CACNA1A: variants seen among roughly 807,000 people sequenced by gnomAD.
CACNA1A encodes the protein voltage-dependent P/Q-type calcium channel subunit alpha-1A.
Under a neutral mutation model 262.4 loss-of-function variants are expected in CACNA1A, and 57 were observed. The ratio of observed to expected loss-of-function variants is 0.22; its 90% CI spans 0.18 to 0.27. The LOEUF (loss-of-function observed/expected upper bound fraction) is 0.27, where lower values mean the gene tolerates loss of function less well. CACNA1A is among the 10% of genes least tolerant of loss of function. The pLI is 1.00. For synonymous variants in CACNA1A, 1,431 were observed against 1,419.3 expected, an observed-to-expected ratio of 1.01 and a Z score of -0.18; for missense variants, 2,526 against 3,562.8, an observed-to-expected ratio of 0.71 and a Z score of 7.41.
intron 12 of CACNA1A, among the ~76,000 whole-genome samples, chr19:13,310,102 C>T (rs1414669379): frequency 6.6e-6 from 1 of 152,040 alleles, no homozygotes; most frequent in Non-Finnish European, 1.5e-5. Context: ...GTTTCTTTTA[C>T]CGAGCGTTGT....
intron 6 of CACNA1A, among the ~76,000 whole-genome samples, chr19:13,346,758 T>C (rs2900917): frequency 0.72 from 95,756 of 133,368 alleles, 35,653 homozygotes; most frequent in East Asian, 1. Flanking sequence ...CGGCTAACTG[T>C]AACCTCTGTC....
chr19:13,311,873 A>G (rs2145026131), intron 12 of CACNA1A, among the ~76,000 whole-genome samples: 1 of 150,632 alleles, frequency 6.6e-6, no homozygotes, highest in African/African-American at 2.4e-5. Flanking sequence ...AAAAAAAAAT[A>G]AATAAATTAT....
intron 3 of CACNA1A, among the ~76,000 whole-genome samples, chr19:13,427,741 C>A (rs1224860079): frequency 2.6e-5 from 4 of 152,048 alleles, no homozygotes; most frequent in Non-Finnish European, 5.9e-5. Context: ...CTGGTGATTA[C>A]TTCTATTGCA....
At chr19:13,397,953 T>C (rs531276559) in intron 3 of CACNA1A, among the ~76,000 whole-genome samples, 5 of 152,034 alleles carry the variant, frequency 3.3e-5, no homozygotes, top group Non-Finnish European at 7.4e-5. Context: ...GAGAGGTGCC[T>C]GCTGTTTAAG....
intron 3 of CACNA1A, among the ~76,000 whole-genome samples, chr19:13,390,503 T>TC (rs1389429712): frequency 5.9e-5 from 9 of 152,240 alleles, no homozygotes; most frequent in Non-Finnish European, 1.3e-4. Flanking sequence ...TAGCCACTAG[T>TC]CACCTGTGGG....
intron 6 of CACNA1A, among the ~76,000 whole-genome samples, chr19:13,349,901 G>C (rs1489642652): frequency 6.6e-6 from 1 of 152,174 alleles, no homozygotes; most frequent in Non-Finnish European, 1.5e-5. Flanking sequence ...ATTCCACAAG[G>C]CTACCCAGAG....
At chr19:13,297,129 C>T (rs1012371627) in intron 19 of CACNA1A, among the ~76,000 whole-genome samples, 5 of 152,214 alleles carry the variant, frequency 3.3e-5, no homozygotes, top group Admixed American at 3.3e-4. Flanking sequence ...GTCAGCTGCT[C>T]TTCCAGGCCC....
chr19:13,207,467 C>G lies in CACNA1A; in HGVS notation c.7367G>C (p.Arg2456Pro), dbSNP rs776844615. 3.4e-5 allele frequency: 51 copies of G among 1,482,368 alleles called. No individual in the cohort carries two copies. Among genetic ancestry groups the G allele is most frequent in the Non-Finnish European group, 4.3e-5 (48 of 1,121,264 alleles). 91.8% of individuals were successfully genotyped at this position (1,482,368 alleles called of 1,614,324 possible). ...GATGRSPRTP[R>P]ASGPACASPS... ...CGAGGCGCAGGCCGGGCCCGAGGCC[C>G]GGGGAGTCCTGGGCGAGCGCCCGGT... Residue 2456 changes from arginine to proline, a missense_variant, in exon 47 of 47, where the codon CGG becomes CCG. By Grantham distance (103) the Arg-to-Pro change is moderately radical. Around this residue, in one of 17 missense-constraint regions of CACNA1A, gnomAD observed 929 missense variants for 868.1 expected, o/e 1.07. Coordinates refer to ENST00000360228, the MANE Select transcript of CACNA1A (RefSeq NM_001127222.2). The surrounding 1 kb of genome is among the most constrained non-coding windows in gnomAD (Gnocchi z 5.7).
intron 31 of CACNA1A, chr19:13,235,980 C>G (rs2055859927): frequency 5.1e-6 from 2 of 390,834 alleles, no homozygotes; most frequent in Non-Finnish European, 9.1e-6. Flanking sequence ...GCCCTCCCTG[C>G]CAGCCCCACC....
chr19:13,262,554 C>T (rs2056759759), intron 25 of CACNA1A, 180 bp downstream of exon 25: 2 of 590,538 alleles, frequency 3.4e-6, no homozygotes, highest in Non-Finnish European at 6.2e-6. Context: ...TATTTTAGGT[C>T]AGCTCACTTT....
intron 6 of CACNA1A, among the ~76,000 whole-genome samples, chr19:13,346,045 C>T (rs548799757): frequency 2.0e-5 from 3 of 152,034 alleles, no homozygotes; most frequent in Non-Finnish European, 4.4e-5. Context: ...AGAGTACACG[C>T]GTGCATGACC....
chr19:13,296,953 C>T (rs1285758373), intron 19 of CACNA1A, among the ~76,000 whole-genome samples: 1 of 150,594 alleles, frequency 6.6e-6, no homozygotes, highest in Admixed American at 6.6e-5. Flanking sequence ...GAGATGGGGT[C>T]TGCCTCTATT....
chr19:13,386,196 T>A (rs1233919471), intron 3 of CACNA1A, among the ~76,000 whole-genome samples: 1 of 150,962 alleles, frequency 6.6e-6, no homozygotes, highest in African/African-American at 2.4e-5. Flanking sequence ...GACACAGTTG[T>A]CCATCCAAGA....
chr19:13,434,777 T>G (rs1033485396), intron 3 of CACNA1A, among the ~76,000 whole-genome samples: 1 of 151,712 alleles, frequency 6.6e-6, no homozygotes, highest in Admixed American at 6.6e-5. Flanking sequence ...AGTCTCAGGG[T>G]TTTTATTTAT....
intron 6 of CACNA1A, among the ~76,000 whole-genome samples, chr19:13,340,009 G>A (rs1370602441): frequency 2.0e-5 from 3 of 152,128 alleles, no homozygotes; most frequent in Non-Finnish European, 4.4e-5. Flanking sequence ...TCACTTTGGC[G>A]GCTGAGGGTT....
chr19:13,457,713 T>C (rs1344845912), intron 1 of CACNA1A, among the ~76,000 whole-genome samples: 1 of 151,620 alleles, frequency 6.6e-6, no homozygotes, highest in Non-Finnish European at 1.5e-5. Context: ...ATTAGCTGGG[T>C]GTGGTGGCGC....
intron 38 of CACNA1A, among the ~76,000 whole-genome samples, chr19:13,217,207 G>A (rs1351344192): frequency 1.4e-5 from 2 of 143,910 alleles, no homozygotes; most frequent in Non-Finnish European, 3.0e-5. Flanking sequence ...AGAGGGGTGG[G>A]TGGGAGAGAG....
chr19:13,379,309 T>G (rs1275295764), intron 3 of CACNA1A, among the ~76,000 whole-genome samples: 1 of 152,164 alleles, frequency 6.6e-6, no homozygotes, highest in Non-Finnish European at 1.5e-5. Flanking sequence ...TGTACATTTT[T>G]TTTTAGACAT....
chr19:13,264,071 A>G (rs1341367311), intron 24 of CACNA1A, among the ~76,000 whole-genome samples: 4 of 152,086 alleles, frequency 2.6e-5, no homozygotes, highest in Non-Finnish European at 5.9e-5. Context: ...GCCAGAGAGG[A>G]CTGCACAGAA....
Sources: allele counts gnomAD v4.1 joint callset (sites outside exome capture counted in the v4.1 genomes callset), GRCh38; gene constraint gnomAD v4.1.1; regional missense constraint gnomAD v4.1.1; non-coding constraint Gnocchi (gnomAD v3.1); transcripts MANE v1.5; gene names NCBI Gene and HGNC (gene_info 2026-07-23, HGNC 2026-07-21).